The following CD44 variants were observed in gnomAD, a reference collection of about 807,000 sequenced individuals.
CD44 encodes CD44 molecule (IN blood group).
A neutral mutation model predicts 88.8 loss-of-function variants in CD44; 49 were observed. That is an observed-to-expected ratio of 0.55 (90% CI 0.44 to 0.70). The LOEUF is 0.70. Ranked by LOEUF, CD44 falls within the 30% of genes least tolerant of loss-of-function variation. The pLI is 0.00. For missense variants in CD44, 883 were observed against 913.8 expected, an observed-to-expected ratio of 0.97 and a Z score of 0.43; for synonymous variants, 325 against 312.3, an observed-to-expected ratio of 1.04 and a Z score of -0.43.
At chr11:35,219,057 A>G (rs1435144195) in intron 15 of CD44, 3 of 439,960 alleles carry the variant, frequency 6.8e-6, no homozygotes, top group Non-Finnish European at 1.3e-5. Flanking sequence ...TAGACACCAA[A>G]GTCCTGAACA....
intron 1 of CD44, among the ~76,000 whole-genome samples, chr11:35,162,159 G>A (rs1373482935): frequency 1.3e-5 from 2 of 152,106 alleles, no homozygotes; most frequent in African/African-American, 4.8e-5. Flanking sequence ...ATATCATAGG[G>A]AAGGTGCTGT....
chr11:35,221,810 G>T, intron 17 of CD44, 78 bp downstream of exon 17: 3 of 1,308,822 alleles, frequency 2.3e-6, no homozygotes, highest in Non-Finnish European at 3.3e-6. Flanking sequence ...GCTGCTCAGA[G>T]CGTAGTCCCT....
chr11:35,176,823 C>A, intron 2 of CD44, 83 bp downstream of exon 2: 1 of 1,335,272 alleles, frequency 7.5e-7, no homozygotes, highest in Non-Finnish European at 1.0e-6. Context: ...GGCTCCTTTC[C>A]CACAGCTGAA....
chr11:35,203,239 G>GAAAACAATT, intron 9 of CD44, among the ~76,000 whole-genome samples: 1 of 152,216 alleles, frequency 6.6e-6, no homozygotes, highest in Middle Eastern at 3.4e-3. Context: ...TATTTAGGCT[G>GAAAACAATT]AAAACAATTA....
chr11:35,193,005 A>G (rs1255966722), intron 5 of CD44, among the ~76,000 whole-genome samples: 1 of 151,868 alleles, frequency 6.6e-6, no homozygotes, highest in African/African-American at 2.4e-5. Context: ...GGTGGTGGGA[A>G]TTATGCATCT....
chr11:35,207,990 C>A, intron 11 of CD44, 115 bp from the exon 12 acceptor site: 1 of 664,994 alleles, frequency 1.5e-6, no homozygotes, highest in East Asian at 2.7e-5. Flanking sequence ...TCAGTATGTG[C>A]TTTCTTTCCT....
chr11:35,162,530 T>C (rs1461844172), intron 1 of CD44, among the ~76,000 whole-genome samples: 1 of 152,218 alleles, frequency 6.6e-6, no homozygotes, highest in Non-Finnish European at 1.5e-5. Flanking sequence ...GTCCAAACCC[T>C]GTGACTTGAG....
chr11:35,141,271 G>C (rs1857863620), intron 1 of CD44, among the ~76,000 whole-genome samples: 1 of 152,184 alleles, frequency 6.6e-6, no homozygotes, highest in Non-Finnish European at 1.5e-5. Flanking sequence ...CAAAGCCTAG[G>C]CTTAGAATAT....
chr11:35,196,641 T>C (rs1281324217), intron 5 of CD44, 105 bp from the exon 6 acceptor site: 3 of 1,225,868 alleles, frequency 2.4e-6, no homozygotes, highest in Middle Eastern at 2.1e-4. Context: ...ATATCAAATA[T>C]AGATGATTCT....
intron 1 of CD44, among the ~76,000 whole-genome samples, chr11:35,152,029 G>A (rs1473550218): frequency 1.3e-5 from 2 of 152,232 alleles, no homozygotes; most frequent in South Asian, 2.1e-4. Flanking sequence ...GCGACAGGAG[G>A]AATAACTAGC....
rs762054400 is a variant in CD44, at chr11:35,198,234, A to G, written c.910A>G (p.Ile304Val). The G allele has an allele frequency of 6.2e-7, 1 of 1,614,044 alleles. No homozygotes were observed. The highest frequency in any genetic ancestry group is 2.2e-5 in the East Asian group (1 of 44,870). ...AGGCATTGATGATGATGAAGATTTT[A>G]TCTCCAGCACCAGTAAGAATAATCA... The part of the protein sequence containing the change: ...GSGIDDDEDF[I>V]SSTISTTPRA... Residue 304 changes from isoleucine to valine, a missense_variant, in exon 7 of 18, where the codon ATC becomes GTC. Ile to Val is a conservative substitution (Grantham distance 29). This residue lies in a region of CD44 where 631 missense variants were observed against 590.9 expected (regional missense o/e 1.07). Transcript: ENST00000428726.
At chr11:35,153,197 G>A (rs1439809902) in intron 1 of CD44, among the ~76,000 whole-genome samples, 2 of 152,158 alleles carry the variant, frequency 1.3e-5, no homozygotes, top group Non-Finnish European at 2.9e-5. Context: ...TATCCTTTGA[G>A]ACGATAAAGG....
chr11:35,208,345 C>T, intron 12 of CD44, 139 bp downstream of exon 12: 2 of 646,686 alleles, frequency 3.1e-6, no homozygotes, highest in Admixed American at 4.7e-5. Context: ...AAACTGTCTT[C>T]ATTGTCTGTA....
At chr11:35,207,714 G>C (rs1260141128) in intron 11 of CD44, among the ~76,000 whole-genome samples, 1 of 152,176 alleles carries the variant, frequency 6.6e-6, no homozygotes, top group Admixed American at 6.5e-5. Context: ...TGGTTGGTAA[G>C]GGGGAGGGGA....
intron 8 of CD44, 94 bp from the exon 9 acceptor site, chr11:35,201,577 G>C: frequency 6.7e-7 from 1 of 1,491,476 alleles, no homozygotes; most frequent in Non-Finnish European, 9.2e-7. Context: ...CTTTGGCATA[G>C]AATTGTTAAA....
rs1857749619 is a variant in CD44, at chr11:35,140,759, G to T, written c.67+1389G>T. 2.6e-5 allele frequency among the ~76,000 whole-genome samples: 4 copies of T among 152,274 alleles called. 1 individual carries two copies. The South Asian group carries it at 8.3e-4, about 32-fold the overall frequency. ...AACACAGCCTGTCATGGTGGCCCAT[G>T]CCTGTAATCCTAGGACTTTGGGAGG... On this transcript the variant is annotated intron_variant, in intron 1 of 17. Coordinates refer to ENST00000428726, the MANE Select transcript of CD44 (RefSeq NM_000610.4).
chr11:35,167,686 C>T (rs188298577), intron 1 of CD44, among the ~76,000 whole-genome samples: 33 of 152,326 alleles, frequency 2.2e-4, no homozygotes, highest in African/African-American at 7.7e-4. Flanking sequence ...GGGTGCAGTC[C>T]ACCCAGAGAG....
chr11:35,227,835 G>A (rs1457442906), intron 17 of CD44, among the ~76,000 whole-genome samples: 1 of 152,186 alleles, frequency 6.6e-6, no homozygotes, highest in Non-Finnish European at 1.5e-5. Context: ...CAGAGCCCAG[G>A]CTTTGGTCAT....
intron 17 of CD44, among the ~76,000 whole-genome samples, chr11:35,228,200 G>T (rs1949842969): frequency 6.6e-6 from 1 of 152,132 alleles, no homozygotes; most frequent in African/African-American, 2.4e-5. Context: ...AAAGATCAAG[G>T]TCGTACTCTT....
Sources: allele counts gnomAD v4.1 joint callset (sites outside exome capture counted in the v4.1 genomes callset), GRCh38; gene constraint gnomAD v4.1.1; regional missense constraint gnomAD v4.1.1; transcripts MANE v1.5; gene names NCBI Gene and HGNC (gene_info 2026-07-23, HGNC 2026-07-21).